The following USP13 variants were observed in gnomAD, a reference collection of about 807,000 sequenced individuals.
The protein encoded by USP13 is ubiquitin specific peptidase 13, also known as ubiquitin carboxyl-terminal hydrolase 13.
USP13 carries 68 observed loss-of-function variants against 107.8 expected under a neutral mutation model. That is an observed-to-expected ratio of 0.63 (90% CI 0.52 to 0.77). The LOEUF (loss-of-function observed/expected upper bound fraction) is 0.77, where lower values mean the gene tolerates loss of function less well. Ranked by LOEUF, USP13 falls within the 30% of genes least tolerant of loss-of-function variation. USP13 has a pLI of 0.00. For missense variants in USP13, 945 were observed against 1,093.3 expected, an observed-to-expected ratio of 0.86 and a Z score of 1.91; for synonymous variants, 377 against 389.5, an observed-to-expected ratio of 0.97 and a Z score of 0.38.
At chr3:179,665,442 CCT>C (rs1332538671) in intron 1 of USP13, among the ~76,000 whole-genome samples, 6 of 152,194 alleles carry the variant, frequency 3.9e-5, no homozygotes, top group African/African-American at 1.4e-4. Flanking sequence ...CGATTTTGCC[CCT>C]GTTTTACGGA....
At chr3:179,700,773 A>G (rs986437384) in intron 3 of USP13, among the ~76,000 whole-genome samples, 2 of 152,198 alleles carry the variant, frequency 1.3e-5, no homozygotes, top group Non-Finnish European at 2.9e-5. Flanking sequence ...GCTTTATGAA[A>G]TGGCTCAGTC....
Position 179,707,226 on chromosome 3 carries a change from T to C in USP13, c.620+150T>C, listed in dbSNP as rs992056346. On this transcript the variant is annotated intron_variant, in intron 5 of 20. Transcript: ENST00000263966. Reference sequence around the variant, plus strand: ...AATATAAAACTTCTCTAAAATTGTCTGTAGCTTTGTAGTAGATGCTGAATG... The same window carrying C: ...AATATAAAACTTCTCTAAAATTGTCCGTAGCTTTGTAGTAGATGCTGAATG... 4 of 1,100,332 alleles carry C rather than the reference T, an allele frequency of 3.6e-6. No individual in the cohort carries two copies. The Admixed American group carries it at 1.2e-4, about 33-fold the overall frequency. The allele number at this position is 1,100,332 out of a possible 1,614,324, so 68.2% of individuals were successfully genotyped here. A position where few individuals can be genotyped will look rare whatever the true frequency, so the allele number is the denominator to read the frequency against.
chr3:179,655,285 T>TG (rs1406516329), intron 1 of USP13, among the ~76,000 whole-genome samples: 4 of 152,092 alleles, frequency 2.6e-5, no homozygotes, highest in Admixed American at 1.3e-4. Flanking sequence ...ATAACAGGTG[T>TG]GGGAAAAAAG....
chr3:179,784,260 T>C lies in USP13; in HGVS notation c.*119T>C, dbSNP rs1715851547. On this transcript the variant is annotated 3_prime_UTR_variant, in exon 21 of 21. Transcript: ENST00000263966. ...GAAGGAATATATGGGGTATTTATCG[T>C]TTATTTAAAGAGCACGATCAGTTGA... 1 of 777,362 alleles carries C rather than the reference T, an allele frequency of 1.3e-6. No individual in the cohort carries two copies. Among genetic ancestry groups the C allele is most frequent in the African/African-American group, 1.7e-5 (1 of 57,322 alleles). 48.2% of individuals were successfully genotyped at this position (777,362 alleles called of 1,614,324 possible). A position where few individuals can be genotyped will look rare whatever the true frequency, so the allele number is the denominator to read the frequency against.
intron 1 of USP13, among the ~76,000 whole-genome samples, chr3:179,663,398 G>C (rs765107654): frequency 6.6e-6 from 1 of 152,170 alleles, no homozygotes; most frequent in Non-Finnish European, 1.5e-5. Flanking sequence ...GGGACACTGG[G>C]TTGCTTCCAC....
At chr3:179,687,366 A>G (rs1173262156) in intron 2 of USP13, among the ~76,000 whole-genome samples, 1 of 152,078 alleles carries the variant, frequency 6.6e-6, no homozygotes, top group Non-Finnish European at 1.5e-5. Flanking sequence ...TATCCTTAAA[A>G]GGACTAGTGC....
At chr3:179,750,710 G>C (rs1714580240) in intron 13 of USP13, among the ~76,000 whole-genome samples, 1 of 152,100 alleles carries the variant, frequency 6.6e-6, no homozygotes, top group Non-Finnish European at 1.5e-5. Context: ...TAATTCCTTA[G>C]GTATATACAA....
Position 179,727,210 on chromosome 3 carries a change from G to T in USP13, c.1089-2979G>T, listed in dbSNP as rs542058511. 3.4e-4 allele frequency among the ~76,000 whole-genome samples: 43 copies of T among 126,376 alleles called. 1 individual carries two copies. The South Asian group carries it at 0.011, about 34-fold the overall frequency. The allele number at this position is 126,376 out of a possible 152,430, so 82.9% of individuals were successfully genotyped here. On this transcript the variant is annotated intron_variant, in intron 8 of 20. Transcript: ENST00000263966. The stretch of plus-strand genomic sequence containing the variant: ...AATTGATCATTCTTGGGTGTTTCTC[G>T]CAGAGGGGGATTTGGCAGGGTCACA...
chr3:179,744,898 A>G (rs889911156), intron 12 of USP13, 145 bp from the exon 13 acceptor site: 1 of 901,432 alleles, frequency 1.1e-6, no homozygotes. Flanking sequence ...GCCTTTCAGC[A>G]GGGGCATCTG....
At position 179,785,644 on chromosome 3, in the gene USP13, G is replaced by A. The variant is rs1715896560; in HGVS notation, c.*1503G>A. ...GTAGGAAAATAAACAGAACCAACCA[G>A]GTGAAACAAAGCACAGACATTGGGT... On this transcript the variant is annotated 3_prime_UTR_variant, in exon 21 of 21. Transcript: ENST00000263966. The A allele has an allele frequency of 6.6e-6, 1 of 152,208 alleles. No individual in the cohort carries two copies. The highest frequency in any genetic ancestry group is 2.4e-5 in the African/African-American group (1 of 41,450). The allele number at this position is 152,208 out of a possible 1,614,324, so 9.4% of individuals were successfully genotyped here.
At chr3:179,782,359 C>T (rs1321522935) in intron 20 of USP13, among the ~76,000 whole-genome samples, 2 of 152,216 alleles carry the variant, frequency 1.3e-5, no homozygotes, top group Non-Finnish European at 2.9e-5. Context: ...CAGCTCTAAA[C>T]CTTCAGTGCT....
chr3:179,665,154 C>T (rs546142921), intron 1 of USP13, among the ~76,000 whole-genome samples: 1 of 152,266 alleles, frequency 6.6e-6, no homozygotes, highest in South Asian at 2.1e-4. Context: ...TTAATACTGA[C>T]TTATGGCTTC....
chr3:179,657,543 A>G (rs144231186), intron 1 of USP13, among the ~76,000 whole-genome samples: 1,538 of 152,058 alleles, frequency 0.01, 27 homozygotes, highest in African/African-American at 0.035. Flanking sequence ...TGGACAGATC[A>G]CAACATCAAG....
chr3:179,682,013 G>A lies in USP13; in HGVS notation c.294+10G>A. On this transcript the variant is annotated intron_variant, in intron 2 of 20. Transcript: ENST00000263966. Reference sequence around the variant, plus strand: ...AAGACATGTGCGAGAGGTGAGAGCGGCACTTTCAGAGAACTGGCCTTGATG... The same window carrying A: ...AAGACATGTGCGAGAGGTGAGAGCGACACTTTCAGAGAACTGGCCTTGATG... The A allele has an allele frequency of 6.2e-7, 1 of 1,608,762 alleles. No homozygotes were observed. Among genetic ancestry groups the A allele is most frequent in the East Asian group, 2.2e-5 (1 of 44,692 alleles).
intron 1 of USP13, among the ~76,000 whole-genome samples, chr3:179,675,143 C>A (rs1720858228): frequency 6.6e-6 from 1 of 151,544 alleles, no homozygotes; most frequent in Non-Finnish European, 1.5e-5. Flanking sequence ...CCACTGTACT[C>A]CAGCCTGGGC....
chr3:179,781,693 A>C (rs1256641688), intron 19 of USP13, 46 bp from the exon 20 acceptor site: 1 of 1,556,248 alleles, frequency 6.4e-7, no homozygotes, highest in Non-Finnish European at 8.9e-7. Context: ...AGTGCTCTTC[A>C]TTCTGGAAAT....
chr3:179,695,930 G>T (rs888966741), intron 3 of USP13, among the ~76,000 whole-genome samples: 1 of 152,188 alleles, frequency 6.6e-6, no homozygotes, highest in African/African-American at 2.4e-5. Flanking sequence ...GGCACTGAAG[G>T]ATATTTTAAG....
rs76353089 is a variant in USP13 at position 179,764,105 on chromosome 3, C to A, written c.2196C>A (p.Ile732=). The A allele has an allele frequency of 7.4e-6, 12 of 1,613,930 alleles. No homozygotes were observed. Among genetic ancestry groups the A allele is most frequent in the Non-Finnish European group, 1.0e-5 (12 of 1,179,980 alleles). Residue 732 remains isoleucine (I), a synonymous_variant, in exon 18 of 21, where the codon ATC becomes ATA. Transcript: ENST00000263966. ...SGLDNQPPEE[I]VAIITSMGFQ... ...TGGATAACCAACCTCCAGAGGAAAT[C>A]GTAGCTATCATCACCTCCATGGGAT...
intron 6 of USP13, among the ~76,000 whole-genome samples, chr3:179,717,205 A>G (rs1713140907): frequency 6.6e-6 from 1 of 152,222 alleles, no homozygotes; most frequent in Admixed American, 6.5e-5. Context: ...GAATAAAATG[A>G]GTTTCCCAGT....
Sources: gnomAD v4.1 joint callset for allele counts (sites outside exome capture counted in the v4.1 genomes callset) on GRCh38, gnomAD v4.1.1 for gene constraint, MANE v1.5 for transcripts, NCBI Gene and HGNC (gene_info 2026-07-23, HGNC 2026-07-21) for gene names.